The following LPP variants were observed in gnomAD, a reference collection of about 807,000 sequenced individuals.
The protein encoded by LPP is lipoma-preferred partner.
Under a neutral mutation model 60.4 loss-of-function variants are expected in LPP, and 38 were observed. The observed-to-expected ratio is 0.63, with a 90% confidence interval of 0.49 to 0.83. LPP has a LOEUF of 0.83. Among genes scored for constraint, LPP ranks in the 40% least tolerant of loss-of-function variants. The probability of loss-of-function intolerance (pLI) is 0.00; values close to 1 mark genes in which losing one functional copy is unlikely to be tolerated. For missense variants in LPP, 902 were observed against 783.6 expected, an observed-to-expected ratio of 1.15 and a Z score of -1.80; for synonymous variants, 328 against 290.8, an observed-to-expected ratio of 1.13 and a Z score of -1.30.
intron 7 of LPP, among the ~76,000 whole-genome samples, chr3:188,695,703 T>G (rs73888877): frequency 0.018 from 2,809 of 152,316 alleles, 76 homozygotes; most frequent in African/African-American, 0.063. Context: ...TTGAACCAGC[T>G]TGTTCTGCCT....
intron 3 of LPP, among the ~76,000 whole-genome samples, chr3:188,392,040 G>A (rs185331233): frequency 4.8e-4 from 73 of 152,336 alleles, no homozygotes; most frequent in African/African-American, 1.6e-3. Context: ...GGAAGTTTGA[G>A]TGTCGATCTA....
intron 3 of LPP, among the ~76,000 whole-genome samples, chr3:188,392,460 T>A (rs1779938972): frequency 6.6e-6 from 1 of 152,100 alleles, no homozygotes; most frequent in African/African-American, 2.4e-5. Flanking sequence ...GACCCCACTT[T>A]CCTCCTCACC....
intron 2 of LPP, among the ~76,000 whole-genome samples, chr3:188,229,785 T>A (rs1009218): frequency 6.6e-6 from 1 of 152,002 alleles, no homozygotes; most frequent in Non-Finnish European, 1.5e-5. Flanking sequence ...TGGAGATACC[T>A]CTACTCTACA....
At chr3:188,806,525 T>C (rs1298223476) in intron 9 of LPP, among the ~76,000 whole-genome samples, 4 of 151,928 alleles carry the variant, frequency 2.6e-5, no homozygotes, top group Admixed American at 2.0e-4. Context: ...AATTTGTGTG[T>C]TTACACTATT....
chr3:188,502,150 G>A (rs1812106284), intron 5 of LPP, among the ~76,000 whole-genome samples: 1 of 152,116 alleles, frequency 6.6e-6, no homozygotes, highest in Non-Finnish European at 1.5e-5. Context: ...TGTTGTTCAA[G>A]TCCTCTATTT....
At chr3:188,798,646 C>T (rs1746092624) in intron 9 of LPP, among the ~76,000 whole-genome samples, 1 of 152,134 alleles carries the variant, frequency 6.6e-6, no homozygotes, top group African/African-American at 2.4e-5. Context: ...TTCGGTACTG[C>T]TCAGTGAGGG....
chr3:188,509,167 C>A (rs1295467908), intron 5 of LPP, among the ~76,000 whole-genome samples: 3 of 152,164 alleles, frequency 2.0e-5, no homozygotes, highest in Admixed American at 6.5e-5. Context: ...GCTGCAAATT[C>A]TCTTATAACA....
intron 1 of LPP, among the ~76,000 whole-genome samples, chr3:188,215,121 C>T (rs962560152): frequency 6.6e-6 from 1 of 151,978 alleles, no homozygotes; most frequent in African/African-American, 2.4e-5. Flanking sequence ...GCTTGGCCAA[C>T]GTGATGAATC....
At chr3:188,874,046 A>AC (rs1768876875) in intron 11 of LPP, among the ~76,000 whole-genome samples, 1 of 151,986 alleles carries the variant, frequency 6.6e-6, no homozygotes, top group African/African-American at 2.4e-5. Flanking sequence ...GCAAACTTCT[A>AC]CATGGGAGCC....
At chr3:188,184,252 C>G (rs192199850) in intron 1 of LPP, among the ~76,000 whole-genome samples, 2 of 152,134 alleles carry the variant, frequency 1.3e-5, no homozygotes, top group Non-Finnish European at 1.5e-5. Flanking sequence ...CTTCCAGCAC[C>G]GAGAGTCCTG....
intron 1 of LPP, among the ~76,000 whole-genome samples, chr3:188,215,299 C>T (rs537958817): frequency 2.4e-3 from 358 of 151,734 alleles, no homozygotes; most frequent in Non-Finnish European, 3.7e-3. Flanking sequence ...GATCGAGACC[C>T]TGTCTCAGAA....
At chr3:188,636,954 C>T (rs1328650280) in intron 7 of LPP, among the ~76,000 whole-genome samples, 4 of 142,810 alleles carry the variant, frequency 2.8e-5, no homozygotes, top group East Asian at 2.0e-4. Context: ...GACAGATCAA[C>T]GAGACAGAAA....
intron 5 of LPP, among the ~76,000 whole-genome samples, chr3:188,504,580 GGTTT>G (rs1342752962): frequency 1.3e-5 from 2 of 152,038 alleles, no homozygotes; most frequent in Non-Finnish European, 2.9e-5. Flanking sequence ...TCTTCCCCAA[GGTTT>G]ACTGTTACCG....
chr3:188,490,445 C>T (rs892350684), intron 5 of LPP, among the ~76,000 whole-genome samples: 1 of 151,770 alleles, frequency 6.6e-6, no homozygotes, highest in African/African-American at 2.4e-5. Flanking sequence ...TGACCAGCCT[C>T]TGCCTCCTGG....
Position 188,609,019 on chromosome 3 carries a change from C to T in LPP, c.430-142C>T, listed in dbSNP as rs554174067. On this transcript the variant is annotated intron_variant, in intron 6 of 11. Coordinates refer to ENST00000617246, the MANE Select transcript of LPP (RefSeq NM_001375462.1). The surrounding 1 kb of genome is among the most constrained non-coding windows in gnomAD (Gnocchi z 6.9). ...TGTTCATCTGTGAACACTTTGAAGG[C>T]AAGATTATGCCTTATTTGTGTTCTA... 2.2e-5 allele frequency: 15 copies of T among 683,064 alleles called. No individual in the cohort carries two copies. In the Middle Eastern group the frequency reaches 1.2e-3, roughly 56 times the overall value. 42.3% of individuals were successfully genotyped at this position (683,064 alleles called of 1,614,324 possible).
intron 1 of LPP, among the ~76,000 whole-genome samples, chr3:188,224,143 A>G (rs536173187): frequency 6.6e-6 from 1 of 152,216 alleles, no homozygotes; most frequent in South Asian, 2.1e-4. Flanking sequence ...TCCTTTGTCA[A>G]AGCAAGCAGT....
intron 7 of LPP, among the ~76,000 whole-genome samples, chr3:188,663,608 G>GA (rs1855090328): frequency 6.6e-6 from 1 of 152,114 alleles, no homozygotes; most frequent in Non-Finnish European, 1.5e-5. Flanking sequence ...AACATATGCT[G>GA]TGTTACCATC....
intron 5 of LPP, among the ~76,000 whole-genome samples, chr3:188,497,010 AT>A (rs5855203): frequency 2.8e-4 from 41 of 148,776 alleles, no homozygotes; most frequent in Non-Finnish European, 4.5e-4. Flanking sequence ...TTTCTGTGGC[AT>A]TTTTTTTTTT....
chr3:188,586,698 G>C (rs529138040), intron 6 of LPP, among the ~76,000 whole-genome samples: 1 of 151,046 alleles, frequency 6.6e-6, no homozygotes, highest in Non-Finnish European at 1.5e-5. Context: ...TCCCCTCCTC[G>C]TAGGTATTTT....
Sources: gnomAD v4.1 joint callset for allele counts (sites outside exome capture counted in the v4.1 genomes callset) on GRCh38, gnomAD v4.1.1 for gene constraint, Gnocchi (gnomAD v3.1) non-coding constraint, MANE v1.5 for transcripts, NCBI Gene and HGNC (gene_info 2026-07-23, HGNC 2026-07-21) for gene names.